Variants in GPC6 observed in about 807,000 individuals in gnomAD.
The protein encoded by GPC6 is glypican-6.
In GPC6, 14 loss-of-function variants were observed where a neutral mutation model predicts 55.2. That is an observed-to-expected ratio of 0.25 (90% confidence interval 0.17 to 0.40). The LOEUF (loss-of-function observed/expected upper bound fraction) is 0.40. Ranked by LOEUF, GPC6 falls within the 10% of genes least tolerant of loss-of-function variation. GPC6 has a pLI of 1.00. For synonymous variants in GPC6, 278 were observed against 259.6 expected (o/e 1.07, Z -0.68); for missense variants, 641 against 708.5 (o/e 0.90, Z 1.08).
intron 2 of GPC6, among the ~76,000 whole-genome samples, chr13:93,820,439 T>C (rs1566551553): frequency 6.6e-6 from 1 of 152,104 alleles, no homozygotes; most frequent in Non-Finnish European, 1.5e-5. Context: ...GTGAACATTT[T>C]TGAATTATGT....
At chr13:93,273,593 G>A (rs946103787) in intron 1 of GPC6, among the ~76,000 whole-genome samples, 2 of 152,112 alleles carry the variant, frequency 1.3e-5, no homozygotes, top group African/African-American at 4.8e-5. Context: ...GGGAGGCGGA[G>A]CTTGCAGTGA....
intron 2 of GPC6, among the ~76,000 whole-genome samples, chr13:93,615,412 TTTC>T (rs1402728346): frequency 6.6e-6 from 1 of 152,110 alleles, no homozygotes; most frequent in African/African-American, 2.4e-5. Flanking sequence ...ATGCCATGAT[TTTC>T]TTATTACATT....
At chr13:93,949,466 T>A (rs1325267971) in intron 3 of GPC6, among the ~76,000 whole-genome samples, 1 of 152,172 alleles carries the variant, frequency 6.6e-6, no homozygotes, top group East Asian at 1.9e-4. Context: ...GCATAAAATC[T>A]GAGATTTTCA....
At chr13:93,314,471 C>T (rs1254373336) in intron 1 of GPC6, among the ~76,000 whole-genome samples, 1 of 152,130 alleles carries the variant, frequency 6.6e-6, no homozygotes, top group East Asian at 1.9e-4. Flanking sequence ...ATATCTTATA[C>T]TCCCCACATG....
chr13:94,255,758 A>G (rs1198747121), intron 4 of GPC6, among the ~76,000 whole-genome samples: 1 of 152,188 alleles, frequency 6.6e-6, no homozygotes, highest in Non-Finnish European at 1.5e-5. Flanking sequence ...CCTCGGAAGA[A>G]CTTATCAGGA....
chr13:94,117,227 A>G (rs1886466053), intron 4 of GPC6, among the ~76,000 whole-genome samples: 1 of 152,090 alleles, frequency 6.6e-6, no homozygotes, highest in Non-Finnish European at 1.5e-5. Context: ...ACTCCACCTC[A>G]CTGACTCTGC....
chr13:93,904,883 G>T (rs1167136756), intron 3 of GPC6, among the ~76,000 whole-genome samples: 2 of 151,440 alleles, frequency 1.3e-5, no homozygotes, highest in Non-Finnish European at 2.9e-5. Context: ...CCACTAACTC[G>T]TCATCTAGCA....
At chr13:93,400,070 C>G (rs2762108) in intron 1 of GPC6, among the ~76,000 whole-genome samples, 98,167 of 151,982 alleles carry the variant, frequency 0.65, 33,951 homozygotes, top group Non-Finnish European at 0.77. Flanking sequence ...GACTGGCTGA[C>G]AAGGTGTTGA....
intron 6 of GPC6, among the ~76,000 whole-genome samples, chr13:94,372,854 C>CAA (rs1417362108): frequency 3.3e-5 from 5 of 152,158 alleles, no homozygotes; most frequent in Non-Finnish European, 5.9e-5. Context: ...TCCCAGCAGG[C>CAA]AGCTGGAGAT....
intron 7 of GPC6, among the ~76,000 whole-genome samples, chr13:94,383,838 A>G (rs1696263119): frequency 6.6e-6 from 1 of 152,206 alleles, no homozygotes; most frequent in South Asian, 2.1e-4. Flanking sequence ...GAAACTTACA[A>G]TCATGGCAGA....
chr13:93,321,732 A>G (rs1048420752), intron 1 of GPC6, among the ~76,000 whole-genome samples: 4 of 152,350 alleles, frequency 2.6e-5, no homozygotes, highest in African/African-American at 9.6e-5. Flanking sequence ...AAATAAAAGA[A>G]GTTGCATCAC....
chr13:93,926,146 T>TC (rs1877845746), intron 3 of GPC6, among the ~76,000 whole-genome samples: 1 of 152,158 alleles, frequency 6.6e-6, no homozygotes, highest in South Asian at 2.1e-4. Context: ...CAGTGTCATT[T>TC]CCATTGCATT....
At chr13:93,974,389 A>G (rs931350621) in intron 3 of GPC6, among the ~76,000 whole-genome samples, 1 of 152,206 alleles carries the variant, frequency 6.6e-6, no homozygotes, top group Non-Finnish European at 1.5e-5. Context: ...GATGATTTTT[A>G]AGGTTTTTTC....
At chr13:93,368,390 G>T (rs112060307) in intron 1 of GPC6, among the ~76,000 whole-genome samples, 8,588 of 53,672 alleles carry the variant, frequency 0.16, 356 homozygotes, top group Non-Finnish European at 0.25. Flanking sequence ...CCTTCCTTCC[G>T]TCCTTCCTTC....
intron 6 of GPC6, among the ~76,000 whole-genome samples, chr13:94,309,374 T>A (rs1413818558): frequency 6.6e-6 from 1 of 152,212 alleles, no homozygotes; most frequent in Non-Finnish European, 1.5e-5. Context: ...ATTTTTTTAA[T>A]GTGAACTGGT....
chr13:93,264,930 A>G (rs561641125), intron 1 of GPC6, among the ~76,000 whole-genome samples: 10 of 152,278 alleles, frequency 6.6e-5, no homozygotes, highest in African/African-American at 1.7e-4. Context: ...GTGAATCCCT[A>G]TATAGTAAGC....
At chr13:94,268,754 G>A (rs1423907056) in intron 4 of GPC6, among the ~76,000 whole-genome samples, 1 of 152,208 alleles carries the variant, frequency 6.6e-6, no homozygotes, top group African/African-American at 2.4e-5. Flanking sequence ...ATCAAGGCCT[G>A]TGACATGGGA....
At chr13:93,730,196 T>G (rs1883774008) in intron 2 of GPC6, among the ~76,000 whole-genome samples, 1 of 152,138 alleles carries the variant, frequency 6.6e-6, no homozygotes, top group South Asian at 2.1e-4. Flanking sequence ...TCACATCAAC[T>G]TTCTCTGATT....
chr13:93,445,897 C>T (rs558556656), intron 1 of GPC6, among the ~76,000 whole-genome samples: 1 of 152,184 alleles, frequency 6.6e-6, no homozygotes, highest in South Asian at 2.1e-4. Context: ...GAAAGCTATT[C>T]TTTTTAAAGA....
Sources: gnomAD v4.1 joint callset for allele counts (sites outside exome capture counted in the v4.1 genomes callset) on GRCh38, gnomAD v4.1.1 for gene constraint, MANE v1.5 for transcripts, NCBI Gene and HGNC (gene_info 2026-07-23, HGNC 2026-07-21) for gene names.